The following ZDHHC11 variants were observed in gnomAD, a reference collection of about 807,000 sequenced individuals.
ZDHHC11 encodes palmitoyltransferase ZDHHC11.
ZDHHC11 carries 44 observed loss-of-function variants against 51.3 expected under a neutral mutation model. The observed-to-expected ratio is 0.86, with a 90% CI of 0.67 to 1.10. ZDHHC11 has a LOEUF of 1.10. Among genes scored for constraint, ZDHHC11 ranks in the 50% least tolerant of loss-of-function variants. The pLI is 0.00. For missense variants in ZDHHC11, 400 were observed against 537.7 expected, an observed-to-expected ratio of 0.74 and a Z score of 2.53; for synonymous variants, 163 against 222.0, an observed-to-expected ratio of 0.73 and a Z score of 2.36.
chr5:846,098 C>T (rs1052859628), intron 3 of ZDHHC11, among the ~76,000 whole-genome samples: 2 of 150,490 alleles, frequency 1.3e-5, no homozygotes, highest in African/African-American at 5.0e-5. Context: ...CTGCTCTTCT[C>T]CAGGGGAGGA....
rs1737536697 is a variant in ZDHHC11 at position 796,098 on chromosome 5, AGTG to A, written c.*487_*489del. 6.4e-6 allele frequency: 1 copy of A among 156,976 alleles called. No individual in the cohort carries two copies. The highest frequency in any genetic ancestry group is 2.1e-4 in the South Asian group (1 of 4,854). 9.7% of individuals were successfully genotyped at this position (156,976 alleles called of 1,614,324 possible). On this transcript the variant is annotated 3_prime_UTR_variant, in exon 13 of 13. Transcript: ENST00000283441. ...TCCCAATACTGTGCTCCCATTTTGCAGTGCTGTGAGCCCCCATTTCCCAGTACT... is the reference window on the plus strand; with the variant it reads ...TCCCAATACTGTGCTCCCATTTTGCACTGTGAGCCCCCATTTCCCAGTACT...
At chr5:852,834 G>T (rs1747459578), upstream of ZDHHC11, among the ~76,000 whole-genome samples, 2 of 148,188 alleles carry the variant, frequency 1.3e-5, no homozygotes, top group Non-Finnish European at 3.0e-5. Context: ...AGGACAGCGA[G>T]CCGGGGGTAC....
intron 11 of ZDHHC11, among the ~76,000 whole-genome samples, chr5:807,673 C>A (rs1264244079): frequency 5.3e-5 from 8 of 152,170 alleles, no homozygotes; most frequent in African/African-American, 1.9e-4. Flanking sequence ...GGAGCTCACA[C>A]ACAACCTTCT....
chr5:816,831 C>A, intron 10 of ZDHHC11: 1 of 473,288 alleles, frequency 2.1e-6, no homozygotes, highest in Non-Finnish European at 4.2e-6. Flanking sequence ...ATGGCAGATA[C>A]ACCCTGAAGC....
intron 6 of ZDHHC11, 43 bp from the exon 7 acceptor site, chr5:833,850 T>A: frequency 6.4e-7 from 1 of 1,569,970 alleles, no homozygotes; most frequent in Non-Finnish European, 8.8e-7. Flanking sequence ...AAAGAAGTTG[T>A]TGACATGCAG....
rs139233959 is a variant in ZDHHC11, at chr5:818,622, G to A, written c.1146+903C>T. Reference sequence around the variant, plus strand: ...GCCTGTAATCGCCCTGCTATGGGAGGCTGAGGCCAGAGGCTTGCTTGAGAC... The same window carrying A: ...GCCTGTAATCGCCCTGCTATGGGAGACTGAGGCCAGAGGCTTGCTTGAGAC... On this transcript the variant is annotated intron_variant, in intron 10 of 12. Transcript: ENST00000283441. Among the ~76,000 whole-genome samples the A allele has an allele frequency of 6.9e-3, 1,045 of 151,612 alleles. 39 individuals are homozygous for A. Among genetic ancestry groups the A allele is most frequent in the African/African-American group, 0.024 (996 of 41,374 alleles).
upstream of ZDHHC11, among the ~76,000 whole-genome samples, chr5:852,737 A>C (rs1413811650): frequency 8.2e-6 from 1 of 122,212 alleles, no homozygotes; most frequent in East Asian, 2.7e-4. Flanking sequence ...AGAGGACAGC[A>C]AACCGGGGGA....
chr5:823,684 G>C (rs1337189197), intron 8 of ZDHHC11: 1 of 190,078 alleles, frequency 5.3e-6, no homozygotes, highest in African/African-American at 2.3e-5. Context: ...AGCCCACGGA[G>C]ACGCGGGCTT....
At chr5:856,349 T>C (rs1428908104) in intron 1 of ZDHHC11, among the ~76,000 whole-genome samples, 15 of 127,664 alleles carry the variant, frequency 1.2e-4, no homozygotes, top group African/African-American at 1.8e-4. Flanking sequence ...ACACAATACA[T>C]ACCACATATA....
rs369443534 is a variant in ZDHHC11, at chr5:850,367, G to A, written c.222+14C>T. 28 of 1,612,652 alleles carry A rather than the reference G, an allele frequency of 1.7e-5. No individual in the cohort carries two copies. Among genetic ancestry groups the A allele is most frequent in the Admixed American group, 8.3e-5 (5 of 59,902 alleles). The stretch of plus-strand genomic sequence containing the variant: ...ACCCCTCCCGCTTAGACCATGCCAC[G>A]ATGAAAAGGATACCACGTAGGCAAT... On this transcript the variant is annotated intron_variant, in intron 1 of 12. Transcript: ENST00000283441.
At chr5:834,047 C>CA (rs1256280888) in intron 6 of ZDHHC11, among the ~76,000 whole-genome samples, 1 of 152,294 alleles carries the variant, frequency 6.6e-6, no homozygotes, top group East Asian at 1.9e-4. Context: ...AAAGAAATGC[C>CA]AAACTGCTTT....
intron 4 of ZDHHC11, chr5:840,964 G>A: frequency 7.4e-7 from 1 of 1,348,132 alleles, no homozygotes; most frequent in East Asian, 2.9e-5. Flanking sequence ...CTCACTAAGA[G>A]CCAGGGTCAC....
intron 6 of ZDHHC11, 56 bp from the exon 7 acceptor site, chr5:833,863 G>C (rs1212802582): frequency 1.3e-6 from 2 of 1,568,216 alleles, no homozygotes; most frequent in Non-Finnish European, 1.8e-6. Context: ...ACATGCAGCT[G>C]ATTCTTACAT....
chr5:834,098 A>T (rs1393601346), intron 6 of ZDHHC11, among the ~76,000 whole-genome samples: 2 of 152,118 alleles, frequency 1.3e-5, no homozygotes. Flanking sequence ...AACTCCCACT[A>T]GCAAAAAAAC....
At chr5:836,395 G>A (rs1033290186) in intron 6 of ZDHHC11, among the ~76,000 whole-genome samples, 1 of 150,314 alleles carries the variant, frequency 6.7e-6, no homozygotes, top group African/African-American at 2.5e-5. Flanking sequence ...CCTGCCCCGT[G>A]CTGCTCGATT....
rs375494694 is a variant in ZDHHC11 at position 801,210 on chromosome 5, T to TA, written c.1182-47dup. Reference sequence around the variant, plus strand: ...GAGAAACAACAGAGAACGTATGATGTAATACTTGTTATAATGCCAAAGTGC... The same window carrying TA: ...GAGAAACAACAGAGAACGTATGATGTAAATACTTGTTATAATGCCAAAGTGC... On this transcript the variant is annotated intron_variant, in intron 11 of 12. Transcript: ENST00000283441. 224 of 1,603,676 alleles carry TA rather than the reference T, an allele frequency of 1.4e-4. 1 individual carries two copies. In the African/African-American group the frequency reaches 2.6e-3, roughly 19 times the overall value.
chr5:795,949 T>TCAGTACTGTATGCCCATTTAC lies in ZDHHC11; in HGVS notation c.*638_*639insGTAAATGGGCATACAGTACTG, dbSNP rs1737512164. ...TCCCAGTACTGTGTGCTCCCATTTC[T>TCAGTACTGTATGCCCATTTAC]CAGTACTGTATGCCCATTTCCCAGT... On this transcript the variant is annotated 3_prime_UTR_variant, in exon 13 of 13. Coordinates refer to ENST00000283441, the MANE Select transcript of ZDHHC11 (RefSeq NM_024786.3). The TCAGTACTGTATGCCCATTTAC allele has an allele frequency of 7.4e-6, 1 of 135,842 alleles. No homozygotes were observed. The highest frequency in any genetic ancestry group is 2.7e-5 in the African/African-American group (1 of 36,740). The allele number at this position is 135,842 out of a possible 1,614,324, so 8.4% of individuals were successfully genotyped here.
At chr5:822,144 G>A (rs1358868868) in intron 8 of ZDHHC11, among the ~76,000 whole-genome samples, 2 of 151,376 alleles carry the variant, frequency 1.3e-5, no homozygotes, top group Non-Finnish European at 3.0e-5. Context: ...ACCTCAGAAT[G>A]TGACTATATG....
chr5:807,014 CAGG>C (rs1739357129), intron 11 of ZDHHC11, among the ~76,000 whole-genome samples: 2 of 151,034 alleles, frequency 1.3e-5, no homozygotes, highest in Admixed American at 6.6e-5. Flanking sequence ...ACCTGTACAA[CAGG>C]AGATCTGTCA....
Sources: gnomAD v4.1 joint callset for allele counts (sites outside exome capture counted in the v4.1 genomes callset) on GRCh38, gnomAD v4.1.1 for gene constraint, MANE v1.5 for transcripts, NCBI Gene and HGNC (gene_info 2026-07-23, HGNC 2026-07-21) for gene names.